Variants in SEMA3A observed in about 807,000 individuals in gnomAD.
The protein encoded by SEMA3A is semaphorin-3A.
A neutral mutation model predicts 97.9 loss-of-function variants in SEMA3A; 29 were observed. That is an observed-to-expected ratio of 0.30 (90% CI 0.22 to 0.40). The LOEUF is 0.40. Ranked by LOEUF, SEMA3A falls within the 10% of genes least tolerant of loss-of-function variation. SEMA3A has a pLI of 1.00. For missense variants in SEMA3A, 763 were observed against 951.3 expected (o/e 0.80, Z 2.60); for synonymous variants, 321 against 323.7 (o/e 0.99, Z 0.09).
chr7:84,359,076 A>C (rs1802645460), intron 2 of SEMA3A, among the ~76,000 whole-genome samples: 1 of 152,190 alleles, frequency 6.6e-6, no homozygotes, highest in Non-Finnish European at 1.5e-5. Flanking sequence ...CAACCATGTC[A>C]TCTGCAGACA....
At chr7:84,272,111 A>C (rs1800166779) in intron 3 of SEMA3A, among the ~76,000 whole-genome samples, 1 of 152,074 alleles carries the variant, frequency 6.6e-6, no homozygotes, top group Non-Finnish European at 1.5e-5. Context: ...CAATGGAAAA[A>C]ATAACTAAAA....
intron 6 of SEMA3A, among the ~76,000 whole-genome samples, chr7:84,021,606 T>C (rs1351999152): frequency 3.9e-5 from 6 of 152,220 alleles, no homozygotes; most frequent in Admixed American, 2.0e-4. Flanking sequence ...ATTCCACAAT[T>C]AGAATCTATA....
At chr7:84,069,408 C>G (rs1793659909) in intron 4 of SEMA3A, among the ~76,000 whole-genome samples, 1 of 152,058 alleles carries the variant, frequency 6.6e-6, no homozygotes, top group African/African-American at 2.4e-5. Context: ...TTTCCCTTAA[C>G]CATTGTTTAT....
intron 3 of SEMA3A, among the ~76,000 whole-genome samples, chr7:84,120,781 C>T (rs1332061131): frequency 6.6e-6 from 1 of 152,132 alleles, no homozygotes; most frequent in Non-Finnish European, 1.5e-5. Flanking sequence ...GGGTTTTACC[C>T]TATTTGTAAA....
upstream of SEMA3A, among the ~76,000 whole-genome samples, chr7:84,195,697 T>C (rs1798209492): frequency 6.6e-6 from 1 of 152,218 alleles, no homozygotes; most frequent in South Asian, 2.1e-4. Flanking sequence ...AAAACGTCTA[T>C]GGTTTTCCAG....
intron 3 of SEMA3A, among the ~76,000 whole-genome samples, chr7:84,264,472 A>G (rs1002416593): frequency 1.3e-5 from 2 of 152,194 alleles, no homozygotes; most frequent in African/African-American, 2.4e-5. Flanking sequence ...TGGCTGCTGT[A>G]ACAGCAATAA....
intron 1 of SEMA3A, among the ~76,000 whole-genome samples, chr7:84,167,937 T>C (rs1053796864): frequency 6.6e-6 from 1 of 152,184 alleles, no homozygotes; most frequent in Non-Finnish European, 1.5e-5. Flanking sequence ...AAGTGGATCA[T>C]AGATAAAACC....
At position 84,014,233 on chromosome 7, in the gene SEMA3A, G is replaced by A. The variant is rs34652029; in HGVS notation, c.786C>T (p.His262=). 3.6e-4 allele frequency: 582 copies of A among 1,612,934 alleles called. 1 individual carries two copies. The highest frequency in any genetic ancestry group is 4.4e-4 in the Non-Finnish European group (522 of 1,179,578). ...CCTTGCATATCTGACCTATTCTAGC[G>A]TGAGTAGCTTTTCCAGAGTGTTCTC... The part of the protein sequence containing the change: ...IDGEHSGKAT[H]ARIGQICKND... The change falls in exon 7 of 17, where the codon CAC becomes CAT. Residue 262 remains histidine, a synonymous_variant. Coordinates refer to ENST00000265362, the MANE Select transcript of SEMA3A (RefSeq NM_006080.3).
rs539015798 is a variant in SEMA3A, at chr7:84,218,884, G to A, written c.-82-24216C>T. 7.2e-5 allele frequency among the ~76,000 whole-genome samples: 11 copies of A among 152,098 alleles called. 1 individual carries two copies. Among genetic ancestry groups the A allele is most frequent in the African/African-American group, 2.7e-4 (11 of 41,492 alleles). On this transcript the variant is annotated intron_variant, in intron 3 of 3. Transcript: ENST00000424555. ...CTATCTTCAGTTATGTTGAAATCAT[G>A]CCTAACTGTCTTTGGCAGGATCCCA...
intron 3 of SEMA3A, among the ~76,000 whole-genome samples, chr7:84,294,576 T>C (rs754389938): frequency 1.3e-5 from 2 of 152,082 alleles, no homozygotes; most frequent in Non-Finnish European, 2.9e-5. Context: ...ATTTTAGCAC[T>C]TAACATATTT....
chr7:84,369,902 G>C (rs1802935385), intron 2 of SEMA3A, among the ~76,000 whole-genome samples: 1 of 150,668 alleles, frequency 6.6e-6, no homozygotes, highest in African/African-American at 2.4e-5. Flanking sequence ...CAACTGAGAT[G>C]ATTCAGAAAT....
chr7:84,049,566 T>C (rs1294624903), intron 5 of SEMA3A, among the ~76,000 whole-genome samples: 3 of 152,110 alleles, frequency 2.0e-5, no homozygotes, highest in Middle Eastern at 3.2e-3. Context: ...TAAAGATATC[T>C]GACTATAAGA....
At chr7:84,145,524 AGTTATAAATTATGTTC>A (rs1340628285) in intron 1 of SEMA3A, among the ~76,000 whole-genome samples, 1 of 152,186 alleles carries the variant, frequency 6.6e-6, no homozygotes, top group Non-Finnish European at 1.5e-5. Flanking sequence ...TTGCTAATTA[AGTTATAAATTATGTTC>A]AAATGACTAT....
At chr7:84,067,169 G>A (rs1793542827) in intron 4 of SEMA3A, among the ~76,000 whole-genome samples, 1 of 152,120 alleles carries the variant, frequency 6.6e-6, no homozygotes, top group African/African-American at 2.4e-5. Context: ...CAAGCAATCG[G>A]GAAAGGATTC....
At chr7:84,181,483 G>A (rs1046965280) in intron 1 of SEMA3A, among the ~76,000 whole-genome samples, 1 of 151,930 alleles carries the variant, frequency 6.6e-6, no homozygotes, top group Non-Finnish European at 1.5e-5. Flanking sequence ...TAGTTTTTCA[G>A]AGATAGACTG....
intron 2 of SEMA3A, among the ~76,000 whole-genome samples, chr7:84,130,567 T>G: frequency 6.6e-6 from 1 of 152,076 alleles, no homozygotes; most frequent in East Asian, 1.9e-4. Flanking sequence ...TTTTACAAAG[T>G]AGTCACATAA....
chr7:84,185,178 T>G (rs1797841131), intron 1 of SEMA3A, among the ~76,000 whole-genome samples: 1 of 152,202 alleles, frequency 6.6e-6, no homozygotes, highest in African/African-American at 2.4e-5. Context: ...TATAAACCCA[T>G]GAATTTATGT....
intron 4 of SEMA3A, among the ~76,000 whole-genome samples, chr7:84,090,581 G>T (rs1361563459): frequency 1.3e-5 from 2 of 152,052 alleles, no homozygotes; most frequent in African/African-American, 4.8e-5. Flanking sequence ...TGGAAGAAAT[G>T]AAAATAAATA....
At chr7:84,455,396 A>T (rs1412869488) in intron 1 of SEMA3A, among the ~76,000 whole-genome samples, 1 of 152,000 alleles carries the variant, frequency 6.6e-6, no homozygotes, top group African/African-American at 2.4e-5. Context: ...TTTCCATTCC[A>T]TTGAACAATA....
Sources: gnomAD v4.1 joint callset for allele counts (sites outside exome capture counted in the v4.1 genomes callset) on GRCh38, gnomAD v4.1.1 for gene constraint, MANE v1.5 for transcripts, NCBI Gene and HGNC (gene_info 2026-07-23, HGNC 2026-07-21) for gene names.